ATP1A4: variants seen among roughly 807,000 people sequenced by gnomAD.
ATP1A4 encodes ATPase Na+/K+ transporting subunit alpha 4, also known as sodium/potassium-transporting ATPase subunit alpha-4.
In ATP1A4, 90 loss-of-function variants were observed where a neutral mutation model predicts 114.3. The observed-to-expected ratio is 0.79, with a 90% CI of 0.66 to 0.94. The LOEUF is 0.94. Ranked by LOEUF, ATP1A4 falls within the 40% of genes least tolerant of loss-of-function variation. The pLI is 0.00. For synonymous variants in ATP1A4, 511 were observed against 494.1 expected (o/e 1.03, Z -0.45); for missense variants, 1,222 against 1,313.6 (o/e 0.93, Z 1.08).
intron 18 of ATP1A4, among the ~76,000 whole-genome samples, chr1:160,179,733 T>C (rs145047019): frequency 6.6e-6 from 1 of 152,192 alleles, no homozygotes. Flanking sequence ...CCTGGGGATA[T>C]GATAGTGAAC....
intron 12 of ATP1A4, among the ~76,000 whole-genome samples, chr1:160,172,976 G>C (rs552850299): frequency 6.6e-6 from 1 of 152,234 alleles, no homozygotes; most frequent in South Asian, 2.1e-4. Context: ...GTGGGGAAGA[G>C]AGATAAACAG....
intron 6 of ATP1A4, among the ~76,000 whole-genome samples, chr1:160,161,750 G>A (rs751630008): frequency 3.9e-5 from 6 of 152,090 alleles, no homozygotes; most frequent in Non-Finnish European, 5.9e-5. Flanking sequence ...AGAATGCCTC[G>A]GCCTGGGAAT....
intron 2 of ATP1A4, among the ~76,000 whole-genome samples, chr1:160,153,670 T>C (rs1652536236): frequency 6.6e-6 from 1 of 152,218 alleles, no homozygotes; most frequent in African/African-American, 2.4e-5. Context: ...ACTGTATTTT[T>C]CAAAACAAAA....
At chr1:160,164,613 C>T (rs1652971469) in intron 7 of ATP1A4, among the ~76,000 whole-genome samples, 189 bp downstream of exon 7, 1 of 152,220 alleles carries the variant, frequency 6.6e-6, no homozygotes, top group Non-Finnish European at 1.5e-5. Flanking sequence ...GGTGTCTTCT[C>T]TTTCCTCAAT....
intron 7 of ATP1A4, 94 bp downstream of exon 7, chr1:160,164,518 G>T: frequency 1.5e-6 from 2 of 1,333,416 alleles, no homozygotes; most frequent in Non-Finnish European, 2.1e-6. Context: ...AACCTTTCAA[G>T]TGCAGGGTCT....
Position 160,151,962 on chromosome 1 carries a change from C to A in ATP1A4, c.-79C>A, listed in dbSNP as rs1276690313. The A allele has an allele frequency of 3.9e-6, 6 of 1,530,178 alleles. No homozygotes were observed. Among genetic ancestry groups the A allele is most frequent in the South Asian group, 2.6e-5 (2 of 77,972 alleles). The allele number at this position is 1,530,178 out of a possible 1,614,324, so 94.8% of individuals were successfully genotyped here. A position where few individuals can be genotyped will look rare whatever the true frequency, so the allele number is the denominator to read the frequency against. ...TTCTCGTGGCCCCCTTGCCCGCGCGCCCTCTTCCCTTCCCCTTGCCTCACT... is the reference window on the plus strand; with the variant it reads ...TTCTCGTGGCCCCCTTGCCCGCGCGACCTCTTCCCTTCCCCTTGCCTCACT... On this transcript the variant is annotated 5_prime_UTR_variant, in exon 1 of 22. Transcript: ENST00000368081.
chr1:160,185,043 T>C (rs1653830312), intron 20 of ATP1A4, among the ~76,000 whole-genome samples: 1 of 151,852 alleles, frequency 6.6e-6, no homozygotes, highest in Admixed American at 6.6e-5. Context: ...CAAAAGTTGG[T>C]AGAGAATCTT....
chr1:160,174,761 G>C lies in ATP1A4; in HGVS notation c.2311+14G>C, dbSNP rs1422817803. 2 of 1,613,446 alleles carry C rather than the reference G, an allele frequency of 1.2e-6. No individual in the cohort carries two copies. On this transcript the variant is annotated intron_variant, in intron 15 of 21. Coordinates refer to ENST00000368081, the MANE Select transcript of ATP1A4 (RefSeq NM_144699.4). ...GGGTGGAGGAGGGTGAGGAGGCAGG[G>C]TGCCCATGGTGGAGACTTCAACCCT...
rs762191141 is a variant in ATP1A4 at position 160,167,265 on chromosome 1, C to T, written c.1357-13C>T. On this transcript the variant is annotated splice_polypyrimidine_tract_variant and intron_variant, in intron 9 of 21. Transcript: ENST00000368081. Reference sequence around the variant, plus strand: ...TGCCCCTGGGGCTTACTATACAAACCCCATCCTGGCAGAGGGCCACAACAG... The same window carrying T: ...TGCCCCTGGGGCTTACTATACAAACTCCATCCTGGCAGAGGGCCACAACAG... 5 of 1,595,958 alleles carry T rather than the reference C, an allele frequency of 3.1e-6. No individual in the cohort carries two copies. The South Asian group carries it at 3.4e-5, about 11-fold the overall frequency.
intron 14 of ATP1A4, 33 bp downstream of exon 14, chr1:160,174,294 G>A: frequency 5.0e-6 from 8 of 1,613,812 alleles, no homozygotes; most frequent in Non-Finnish European, 6.8e-6. Context: ...AAGGAAACTG[G>A]CAGAACTCCT....
Position 160,159,328 on chromosome 1 carries a change from G to T in ATP1A4, c.661-81G>T, listed in dbSNP as rs1039158124. ...CTGTCAGTGATGATGTTGGTGACCAGATGAAGACATACTATTTTTGTAAAT... is the reference window on the plus strand; with the variant it reads ...CTGTCAGTGATGATGTTGGTGACCATATGAAGACATACTATTTTTGTAAAT... On this transcript the variant is annotated intron_variant, in intron 5 of 21. Transcript: ENST00000368081. The T allele has an allele frequency of 2.9e-6, 4 of 1,389,304 alleles. No homozygotes were observed. The African/African-American group carries it at 5.8e-5, about 20-fold the overall frequency. The allele number at this position is 1,389,304 out of a possible 1,614,324, so 86.1% of individuals were successfully genotyped here. A position where few individuals can be genotyped will look rare whatever the true frequency, so the allele number is the denominator to read the frequency against.
In ATP1A4 at chr1:160,166,833, G is replaced by A. The variant is rs1030077851; in HGVS notation, c.1246+107G>A. On this transcript the variant is annotated intron_variant, in intron 8 of 21. Transcript: ENST00000368081. ...ACAGACAGGAGGGAGCCTGAAAGTG[G>A]AGTGGAGAAGAGGGAGGTGTGAAGG... 7 of 1,521,192 alleles carry A rather than the reference G, an allele frequency of 4.6e-6. No individual in the cohort carries two copies. In the African/African-American group the frequency reaches 9.6e-5, roughly 21 times the overall value. The allele number at this position is 1,521,192 out of a possible 1,614,324, so 94.2% of individuals were successfully genotyped here.
rs980744549 is a variant in ATP1A4, at chr1:160,186,654, CCTCTT to C, written c.3062-10_3062-6del. 1 of 1,608,918 alleles carries C rather than the reference CCTCTT, an allele frequency of 6.2e-7. No individual in the cohort carries two copies. The highest frequency in any genetic ancestry group is 1.3e-5 in the African/African-American group (1 of 74,844). ...AATTCCTTCTCCCAGTTCACGCTGG[CCTCTT>C]CTCTTCCACAGGCTGGGTGGAAAGG... On this transcript the variant is annotated splice_polypyrimidine_tract_variant and intron_variant, in intron 21 of 21. Coordinates refer to ENST00000368081, the MANE Select transcript of ATP1A4 (RefSeq NM_144699.4).
chr1:160,156,878 C>T (rs115378865), intron 4 of ATP1A4, among the ~76,000 whole-genome samples: 1 of 152,066 alleles, frequency 6.6e-6, no homozygotes, highest in South Asian at 2.1e-4. Flanking sequence ...TTTGGGGGAC[C>T]GAGGCAAGAG....
intron 18 of ATP1A4, 67 bp downstream of exon 18, chr1:160,177,731 C>T (rs11806793): frequency 0.15 from 236,269 of 1,570,270 alleles, 19,764 homozygotes; most frequent in African/African-American, 0.32. Context: ...AGAGTGAGTG[C>T]AGCAAATTTT....
rs201945772 is a variant in ATP1A4 at position 160,159,110 on chromosome 1, C to T, written c.634C>T (p.Arg212Trp). 1.3e-5 allele frequency: 21 copies of T among 1,613,932 alleles called. No homozygotes were observed. The Admixed American group carries it at 2.2e-4, about 17-fold the overall frequency. Reference sequence around the variant, plus strand: ...TGGAGACCGAGTCCCTGCTGACCTCCGGCTTATCTCTGCACAAGGATGTAA... The same window carrying T: ...TGGAGACCGAGTCCCTGCTGACCTCTGGCTTATCTCTGCACAAGGATGTAA... ...KGGDRVPADL[R>W]LISAQGCKVD... is the part of the protein sequence containing the mutation. Residue 212 changes from arginine (R) to tryptophan (W), a missense_variant, in exon 5 of 22, where the codon CGG becomes TGG. By Grantham distance (101) the Arg-to-Trp change is moderately radical. Transcript: ENST00000368081.
At chr1:160,167,559 A>G in intron 10 of ATP1A4, 147 bp downstream of exon 10, 2 of 1,112,622 alleles carry the variant, frequency 1.8e-6, no homozygotes, top group Non-Finnish European at 2.6e-6. Flanking sequence ...GAAGACTCAC[A>G]TCAAGAGAAC....
intron 6 of ATP1A4, among the ~76,000 whole-genome samples, chr1:160,163,865 C>A (rs12029347): frequency 0.56 from 85,270 of 151,750 alleles, 24,806 homozygotes; most frequent in Admixed American, 0.65. Flanking sequence ...TATCCAGGAA[C>A]CCACCAAGAG....
Position 160,152,049 on chromosome 1 carries a change from T to C in ATP1A4, c.9T>C (p.Leu3=). The part of the protein sequence containing the change: MG[L]WGKKGTVAPH... ...TCTTTCTGGGGATAGCTATGGGGCT[T>C]TGGGGGAAGAAAGGGACAGTGGCTC... Residue 3 remains leucine, a synonymous_variant, in exon 1 of 22, where the codon CTT becomes CTC. Transcript: ENST00000368081. 1 of 1,613,212 alleles carries C rather than the reference T, an allele frequency of 6.2e-7. No homozygotes were observed. Among genetic ancestry groups the C allele is most frequent in the Non-Finnish European group, 8.5e-7 (1 of 1,179,688 alleles).
Sources: gnomAD v4.1 joint callset for allele counts (sites outside exome capture counted in the v4.1 genomes callset) on GRCh38, gnomAD v4.1.1 for gene constraint, MANE v1.5 for transcripts, NCBI Gene and HGNC (gene_info 2026-07-23, HGNC 2026-07-21) for gene names.